The following NGLY1 variants were observed in gnomAD, a reference collection of about 807,000 sequenced individuals.
NGLY1 encodes the protein peptide-N(4)-(N-acetyl-beta-glucosaminyl)asparagine amidase.
In NGLY1, 68 loss-of-function variants were observed where a neutral mutation model predicts 84.6. The observed-to-expected ratio is 0.80, with a 90% CI of 0.66 to 0.98. The LOEUF is 0.98. Among genes scored for constraint, NGLY1 ranks in the 50% least tolerant of loss-of-function variants. The probability of loss-of-function intolerance (pLI) is 0.00; values close to 1 mark genes in which losing one functional copy is unlikely to be tolerated. For missense variants in NGLY1, 779 were observed against 770.2 expected (o/e 1.01, Z -0.14); for synonymous variants, 280 against 275.2 (o/e 1.02, Z -0.17).
At chr3:25,763,930 G>T in intron 3 of NGLY1, 136 bp downstream of exon 3, 1 of 1,115,326 alleles carries the variant, frequency 9.0e-7, no homozygotes, top group Non-Finnish European at 1.3e-6. Context: ...GAAGAAATTT[G>T]GATGTTTTAG....
At chr3:25,779,059 C>A (rs1035404104) in intron 1 of NGLY1, among the ~76,000 whole-genome samples, 1 of 150,756 alleles carries the variant, frequency 6.6e-6, no homozygotes, top group Non-Finnish European at 1.5e-5. Flanking sequence ...CCTCAGCCTC[C>A]CAAGTAGCTA....
At chr3:25,774,023 G>C (rs991288854) in intron 2 of NGLY1, among the ~76,000 whole-genome samples, 4 of 152,170 alleles carry the variant, frequency 2.6e-5, no homozygotes, top group South Asian at 2.1e-4. Context: ...AGGTGGCAGG[G>C]GAGTGAAGTG....
In NGLY1 at chr3:25,757,009, G is replaced by T. The variant is rs549626669; in HGVS notation, c.493-5746C>A. On this transcript the variant is annotated intron_variant, in intron 3 of 11. Transcript: ENST00000280700. ...TTTTTCTTAAGTTCAACATATATTT[G>T]CAGACTTTTGTAAAATAAATGTTCA... Among the ~76,000 whole-genome samples the T allele has an allele frequency of 2.6e-5, 4 of 152,248 alleles. No individual in the cohort carries two copies. In the South Asian group the frequency reaches 8.3e-4, roughly 32 times the overall value.
chr3:25,749,944 CAAA>C (rs3080321), intron 4 of NGLY1: 65,925 of 458,994 alleles, frequency 0.14, 13 homozygotes, highest in East Asian at 0.19. Flanking sequence ...TAAAAACTGC[CAAA>C]AAAAAAAAAA....
At chr3:25,782,932 G>C (rs1297159962) in intron 1 of NGLY1, 5 of 273,626 alleles carry the variant, frequency 1.8e-5, no homozygotes, top group Non-Finnish European at 3.5e-5. Flanking sequence ...ACGACGAGAA[G>C]AGCGGCAGTG....
chr3:25,755,681 G>A, intron 3 of NGLY1: 21 of 1,438,696 alleles, frequency 1.5e-5, no homozygotes, highest in Non-Finnish European at 2.0e-5. Flanking sequence ...ACTATGTAAG[G>A]AATTATAGTC....
At chr3:25,771,415 C>T (rs985923251) in intron 2 of NGLY1, among the ~76,000 whole-genome samples, 9 of 152,068 alleles carry the variant, frequency 5.9e-5, no homozygotes, top group Admixed American at 2.0e-4. Context: ...ATTTTTATGC[C>T]GGTACCATGC....
At chr3:25,787,964 G>T (rs1708640778), upstream of NGLY1, among the ~76,000 whole-genome samples, 1 of 152,156 alleles carries the variant, frequency 6.6e-6, no homozygotes, top group South Asian at 2.1e-4. Flanking sequence ...TGCAGTTCAA[G>T]GATCATTTCT....
chr3:25,774,156 C>T (rs775242257), intron 2 of NGLY1, among the ~76,000 whole-genome samples: 5 of 152,190 alleles, frequency 3.3e-5, no homozygotes, highest in Non-Finnish European at 5.9e-5. Flanking sequence ...CAGGATGTTA[C>T]AGGTGGTGGA....
intron 4 of NGLY1, among the ~76,000 whole-genome samples, chr3:25,740,807 A>G (rs1706099451): frequency 6.6e-6 from 1 of 152,172 alleles, no homozygotes; most frequent in Non-Finnish European, 1.5e-5. Flanking sequence ...AATCCCAATT[A>G]AAATTATAAA....
intron 2 of NGLY1, chr3:25,778,352 A>G: frequency 2.8e-6 from 1 of 362,688 alleles, no homozygotes; most frequent in Non-Finnish European, 5.1e-6. Context: ...AAGAACTGAG[A>G]CTCGTAAGAA....
chr3:25,731,536 C>A (rs1326927159), intron 9 of NGLY1, among the ~76,000 whole-genome samples: 1 of 152,146 alleles, frequency 6.6e-6, no homozygotes, highest in South Asian at 2.1e-4. Context: ...AACTGTTTGG[C>A]AATATGTACT....
chr3:25,786,814 C>T (rs541855084), upstream of NGLY1, among the ~76,000 whole-genome samples: 27 of 152,220 alleles, frequency 1.8e-4, 1 homozygote, highest in East Asian at 2.3e-3. Context: ...CATTGGTTTT[C>T]GCAAAAGTCA....
At chr3:25,775,813 T>G (rs1708131582) in intron 2 of NGLY1, among the ~76,000 whole-genome samples, 1 of 152,148 alleles carries the variant, frequency 6.6e-6, no homozygotes, top group Admixed American at 6.5e-5. Context: ...TAAAAACAAT[T>G]CATTGTATAT....
chr3:25,743,660 A>G (rs139274258), intron 4 of NGLY1, among the ~76,000 whole-genome samples: 55 of 152,228 alleles, frequency 3.6e-4, no homozygotes, highest in African/African-American at 9.4e-4. Context: ...CTTGCTATAC[A>G]CTAGATGCTT....
chr3:25,743,423 G>A (rs1476776114), intron 4 of NGLY1, among the ~76,000 whole-genome samples: 1 of 152,078 alleles, frequency 6.6e-6, no homozygotes, highest in Non-Finnish European at 1.5e-5. Context: ...TCCCACCTCA[G>A]GAGGCCTTTG....
At chr3:25,735,332 T>C (rs1015175882) in intron 7 of NGLY1, 1 of 151,844 alleles carries the variant, frequency 6.6e-6, no homozygotes, top group Admixed American at 6.6e-5. Context: ...TATAAGAATA[T>C]ATAAAGAACT....
chr3:25,739,455 T>G (rs1706013098), intron 5 of NGLY1, 122 bp downstream of exon 5: 1 of 963,876 alleles, frequency 1.0e-6, no homozygotes, highest in East Asian at 2.6e-5. Flanking sequence ...CACGGTTTGC[T>G]CACCGGTATT....
intron 4 of NGLY1, among the ~76,000 whole-genome samples, chr3:25,748,235 T>C (rs892752676): frequency 3.3e-5 from 5 of 152,192 alleles, no homozygotes; most frequent in Non-Finnish European, 5.9e-5. Flanking sequence ...CAAAAGATTA[T>C]AGAACCTTCT....
Sources: allele counts gnomAD v4.1 joint callset (sites outside exome capture counted in the v4.1 genomes callset), GRCh38; gene constraint gnomAD v4.1.1; transcripts MANE v1.5; gene names NCBI Gene and HGNC (gene_info 2026-07-23, HGNC 2026-07-21).